Variants in PTPRT observed in about 807,000 individuals in gnomAD.
PTPRT encodes receptor-type tyrosine-protein phosphatase T.
A neutral mutation model predicts 176.8 loss-of-function variants in PTPRT; 56 were observed. The ratio of observed to expected loss-of-function variants is 0.32; its 90% CI spans 0.26 to 0.40. The LOEUF (loss-of-function observed/expected upper bound fraction) is 0.40, where lower values mean the gene tolerates loss of function less well. Among genes scored for constraint, PTPRT ranks in the 10% least tolerant of loss-of-function variants. The pLI, the probability that PTPRT is intolerant of heterozygous loss-of-function variation, is 1.00. For synonymous variants in PTPRT, 783 were observed against 739.0 expected (o/e 1.06, Z -0.96); for missense variants, 1,540 against 1,908.2 (o/e 0.81, Z 3.60).
intron 7 of PTPRT, among the ~76,000 whole-genome samples, chr20:42,475,397 A>G (rs1352851420): frequency 1.3e-5 from 2 of 152,238 alleles, no homozygotes; most frequent in African/African-American, 2.4e-5. Flanking sequence ...GGAAGGCATC[A>G]CTAGCTCTGT....
chr20:42,613,328 G>T (rs78324743), intron 7 of PTPRT, among the ~76,000 whole-genome samples: 3,639 of 152,212 alleles, frequency 0.024, 149 homozygotes, highest in African/African-American at 0.082. Flanking sequence ...CCCTTATTTT[G>T]TTCCATTAAA....
At position 42,078,959 on chromosome 20, in the gene PTPRT, C is replaced by CTGTACCT. The variant is rs1312419646; in HGVS notation, c.*1919_*1920insAGGTACA. 2 of 177,000 alleles carry CTGTACCT rather than the reference C, an allele frequency of 1.1e-5. No individual in the cohort carries two copies. The highest frequency in any genetic ancestry group is 4.7e-5 in the African/African-American group (2 of 42,226). 11.0% of individuals were successfully genotyped at this position (177,000 alleles called of 1,614,324 possible). ...TTCCATTTCCCCAGCATACAGTGGG[C>CTGTACCT]TCTTGAGGGCCAAAGCTGTACCTTC... is the stretch of plus-strand genomic sequence containing the variant. On this transcript the variant is annotated 3_prime_UTR_variant, in exon 31 of 31. Transcript: ENST00000373187.
At chr20:42,362,922 A>T (rs2058449592) in intron 9 of PTPRT, among the ~76,000 whole-genome samples, 2 of 151,830 alleles carry the variant, frequency 1.3e-5, no homozygotes, top group Non-Finnish European at 2.9e-5. Context: ...CCTGGTCAAC[A>T]TGGTGAAACC....
the PTPRT span, among the ~76,000 whole-genome samples, chr20:42,038,392 A>G: frequency 6.6e-6 from 1 of 152,200 alleles, no homozygotes; most frequent in East Asian, 1.9e-4. Context: ...GAGAAGTGTT[A>G]GGCATGATGT....
At chr20:42,514,058 T>C (rs1203086043) in intron 7 of PTPRT, among the ~76,000 whole-genome samples, 2 of 152,210 alleles carry the variant, frequency 1.3e-5, no homozygotes, top group Non-Finnish European at 1.5e-5. Flanking sequence ...TAGATTGTTA[T>C]CAATTTTTAG....
intron 8 of PTPRT, among the ~76,000 whole-genome samples, chr20:42,463,896 C>T (rs913460847): frequency 1.3e-5 from 2 of 152,102 alleles, no homozygotes; most frequent in Non-Finnish European, 2.9e-5. Context: ...GGAGAAAATA[C>T]ATTTGTTCCA....
chr20:42,895,745 T>C (rs2079284883), intron 1 of PTPRT, among the ~76,000 whole-genome samples: 1 of 152,222 alleles, frequency 6.6e-6, no homozygotes, highest in African/African-American at 2.4e-5. Context: ...AATAGTATTC[T>C]TCTTTTGATT....
At chr20:42,733,378 C>T (rs1017309193) in intron 6 of PTPRT, among the ~76,000 whole-genome samples, 8 of 152,216 alleles carry the variant, frequency 5.3e-5, no homozygotes, top group African/African-American at 1.9e-4. Context: ...ATTCCCACGG[C>T]ATGCGCTGCT....
intron 9 of PTPRT, among the ~76,000 whole-genome samples, chr20:42,446,091 C>T (rs139122920): frequency 4.6e-4 from 70 of 152,216 alleles, no homozygotes; most frequent in African/African-American, 1.6e-3. Flanking sequence ...CATCATCCTA[C>T]TAGAGGAAAA....
intron 1 of PTPRT, among the ~76,000 whole-genome samples, chr20:42,906,431 C>T (rs1467110474): frequency 6.6e-6 from 1 of 152,216 alleles, no homozygotes. Flanking sequence ...TAAAACCTTG[C>T]ACTTTTTCTC....
intron 14 of PTPRT, among the ~76,000 whole-genome samples, chr20:42,236,691 A>C (rs1221849516): frequency 6.6e-6 from 1 of 151,206 alleles, no homozygotes; most frequent in African/African-American, 2.4e-5. Flanking sequence ...CCCTATGATA[A>C]TGTCCTGTGA....
At chr20:42,897,450 T>C (rs2079322040) in intron 1 of PTPRT, among the ~76,000 whole-genome samples, 5 of 152,354 alleles carry the variant, frequency 3.3e-5, no homozygotes. Context: ...GGGTGTCTTC[T>C]AGATCAGAGA....
At chr20:42,341,543 C>A (rs1352359591) in intron 11 of PTPRT, among the ~76,000 whole-genome samples, 2 of 152,190 alleles carry the variant, frequency 1.3e-5, no homozygotes, top group Non-Finnish European at 2.9e-5. Context: ...TTCTCCATCT[C>A]CTGTGTGTTT....
chr20:42,690,291 C>A (rs1386448951), intron 6 of PTPRT, among the ~76,000 whole-genome samples: 4 of 152,122 alleles, frequency 2.6e-5, no homozygotes, highest in Non-Finnish European at 5.9e-5. Flanking sequence ...TTAGGGACAA[C>A]TCCTCTGAGT....
chr20:42,466,961 CT>C (rs767218667), intron 8 of PTPRT, among the ~76,000 whole-genome samples: 5 of 152,142 alleles, frequency 3.3e-5, no homozygotes, highest in Non-Finnish European at 7.3e-5. Flanking sequence ...CTTGAAGAGA[CT>C]GCCACTGGCC....
At chr20:42,537,674 C>T (rs1363560300) in intron 7 of PTPRT, among the ~76,000 whole-genome samples, 1 of 152,066 alleles carries the variant, frequency 6.6e-6, no homozygotes, top group Non-Finnish European at 1.5e-5. Context: ...TGTGTATGTC[C>T]CAAGCTCCAT....
At chr20:42,870,411 T>A (rs1443726591) in intron 2 of PTPRT, among the ~76,000 whole-genome samples, 1 of 152,246 alleles carries the variant, frequency 6.6e-6, no homozygotes, top group Admixed American at 6.5e-5. Flanking sequence ...CATCTGTTGA[T>A]GAACATTTGG....
intron 1 of PTPRT, among the ~76,000 whole-genome samples, chr20:42,969,855 T>C (rs1227889030): frequency 6.6e-6 from 1 of 152,206 alleles, no homozygotes; most frequent in African/African-American, 2.4e-5. Context: ...ACATTTACTA[T>C]ATTGCTTTCC....
intron 10 of PTPRT, 76 bp from the exon 11 acceptor site, chr20:42,350,806 C>T: frequency 9.3e-7 from 1 of 1,073,146 alleles, no homozygotes; most frequent in Non-Finnish European, 1.4e-6. Context: ...TTGCTGCCAT[C>T]CTTAAAGACA....
Sources: allele counts gnomAD v4.1 joint callset (sites outside exome capture counted in the v4.1 genomes callset), GRCh38; gene constraint gnomAD v4.1.1; transcripts MANE v1.5; gene names NCBI Gene and HGNC (gene_info 2026-07-23, HGNC 2026-07-21).